The following NRG3 variants were observed in gnomAD, a reference collection of about 807,000 sequenced individuals.
The protein encoded by NRG3 is pro-neuregulin-3, membrane-bound isoform.
Under a neutral mutation model 66.9 loss-of-function variants are expected in NRG3, and 31 were observed. The observed-to-expected ratio is 0.46, with a 90% CI of 0.35 to 0.63. The LOEUF is 0.63. NRG3 is among the 20% of genes least tolerant of loss of function. NRG3 has a pLI of 0.00. For missense variants in NRG3, 910 were observed against 878.9 expected, an observed-to-expected ratio of 1.04 and a Z score of -0.45; for synonymous variants, 393 against 359.4, an observed-to-expected ratio of 1.09 and a Z score of -1.06.
intron 1 of NRG3, among the ~76,000 whole-genome samples, chr10:82,205,213 G>A (rs1564661658): frequency 3.3e-5 from 5 of 152,050 alleles, no homozygotes; most frequent in African/African-American, 7.2e-5. Flanking sequence ...AACATACTTC[G>A]TTCCCACTAC....
intron 1 of NRG3, among the ~76,000 whole-genome samples, chr10:82,173,332 C>A (rs1370818901): frequency 6.6e-6 from 1 of 151,734 alleles, no homozygotes; most frequent in Non-Finnish European, 1.5e-5. Context: ...CTGTGAAAGG[C>A]ACCAACTGGT....
At chr10:82,232,848 G>T (rs980182929) in intron 1 of NRG3, 2 of 717,062 alleles carry the variant, frequency 2.8e-6, no homozygotes, top group South Asian at 1.5e-5. Flanking sequence ...CCTTTGTTGG[G>T]GTTTCTGAGA....
At chr10:82,444,550 A>G (rs1402760753) in intron 2 of NRG3, among the ~76,000 whole-genome samples, 1 of 152,186 alleles carries the variant, frequency 6.6e-6, no homozygotes, top group Non-Finnish European at 1.5e-5. Context: ...ATGCACTGAT[A>G]GAAAATACTA....
chr10:82,295,606 A>G (rs907970315), intron 1 of NRG3, among the ~76,000 whole-genome samples: 21 of 152,202 alleles, frequency 1.4e-4, no homozygotes, highest in African/African-American at 5.1e-4. Flanking sequence ...AAAATATCTT[A>G]TAGGAAAAAT....
At chr10:82,749,971 C>A (rs371288583) in intron 3 of NRG3, among the ~76,000 whole-genome samples, 5 of 152,140 alleles carry the variant, frequency 3.3e-5, no homozygotes, top group African/African-American at 1.2e-4. Flanking sequence ...GGATAAATTT[C>A]AATCACATCT....
At chr10:82,793,353 G>A (rs1186819477) in intron 3 of NRG3, among the ~76,000 whole-genome samples, 1 of 152,038 alleles carries the variant, frequency 6.6e-6, no homozygotes, top group Non-Finnish European at 1.5e-5. Context: ...TCACTATAAT[G>A]TAATTGGACG....
intron 1 of NRG3, among the ~76,000 whole-genome samples, chr10:82,139,064 A>G (rs2132616342): frequency 6.6e-6 from 1 of 152,218 alleles, no homozygotes; most frequent in South Asian, 2.1e-4. Context: ...CATCACATGA[A>G]GTATGTTTGT....
intron 2 of NRG3, among the ~76,000 whole-genome samples, chr10:82,396,191 G>A (rs2086704337): frequency 6.6e-6 from 1 of 152,086 alleles, no homozygotes; most frequent in African/African-American, 2.4e-5. Flanking sequence ...TTTTCTTAAT[G>A]TGAAGATTTT....
chr10:82,021,832 G>T (rs1051174913), intron 1 of NRG3, among the ~76,000 whole-genome samples: 1 of 144,396 alleles, frequency 6.9e-6, no homozygotes, highest in Non-Finnish European at 1.5e-5. Flanking sequence ...GTGTGTGTGT[G>T]TGTCTTGATT....
chr10:81,923,116 C>T (rs1188119538), intron 1 of NRG3, among the ~76,000 whole-genome samples: 2 of 151,732 alleles, frequency 1.3e-5, no homozygotes, highest in African/African-American at 4.9e-5. Context: ...TTTATCAAGT[C>T]TCCTGTGTCT....
At chr10:81,988,680 G>A (rs1276382186) in intron 1 of NRG3, among the ~76,000 whole-genome samples, 1 of 152,064 alleles carries the variant, frequency 6.6e-6, no homozygotes, top group Non-Finnish European at 1.5e-5. Flanking sequence ...AGTATTCGTG[G>A]TAGAGTCCTG....
intron 2 of NRG3, 34 bp downstream of exon 2, chr10:82,358,902 G>A: frequency 6.2e-7 from 1 of 1,613,626 alleles, no homozygotes; most frequent in Non-Finnish European, 8.5e-7. Context: ...GAAAGGGCAG[G>A]CCCGTTGCAA....
In NRG3 at chr10:82,853,797, C is replaced by T. The variant is rs188065782; in HGVS notation, c.1028-11614C>T. ...ATGTGGGTGCCCTTTATTTCTTTCT[C>T]TTGTCTGATTGCTCTGGTTAGGACT... On this transcript the variant is annotated intron_variant, in intron 3 of 8. Transcript: ENST00000372141. Among the ~76,000 whole-genome samples, 14 of 152,210 alleles carry T rather than the reference C, an allele frequency of 9.2e-5. No homozygotes were observed. In the East Asian group the frequency reaches 2.5e-3, roughly 27 times the overall value.
intron 1 of NRG3, among the ~76,000 whole-genome samples, chr10:81,951,479 C>T (rs1247841175): frequency 1.3e-5 from 2 of 152,090 alleles, no homozygotes; most frequent in Non-Finnish European, 2.9e-5. Flanking sequence ...TGAGCTTATA[C>T]ACACACACAG....
At chr10:82,553,714 G>T (rs2044474561) in intron 2 of NRG3, among the ~76,000 whole-genome samples, 1 of 152,128 alleles carries the variant, frequency 6.6e-6, no homozygotes. Context: ...AAGTCTGAAT[G>T]AGTAGGGTGG....
At chr10:82,473,036 C>A (rs1351999076) in intron 2 of NRG3, among the ~76,000 whole-genome samples, 1 of 152,210 alleles carries the variant, frequency 6.6e-6, no homozygotes, top group Non-Finnish European at 1.5e-5. Context: ...AGCCTGCTAA[C>A]ATAACAATAT....
At chr10:82,912,377 T>C (rs1845403646) in intron 4 of NRG3, among the ~76,000 whole-genome samples, 1 of 152,192 alleles carries the variant, frequency 6.6e-6, no homozygotes, top group South Asian at 2.1e-4. Flanking sequence ...TTCTGGAAAG[T>C]TGACTCCTTT....
At chr10:82,169,013 C>A (rs1223163024) in intron 1 of NRG3, among the ~76,000 whole-genome samples, 2 of 152,018 alleles carry the variant, frequency 1.3e-5, no homozygotes, top group Non-Finnish European at 2.9e-5. Flanking sequence ...CCTACAATTC[C>A]TTTACTAGAG....
At chr10:82,047,653 A>C (rs1288093568) in intron 1 of NRG3, among the ~76,000 whole-genome samples, 5 of 151,884 alleles carry the variant, frequency 3.3e-5, no homozygotes, top group Non-Finnish European at 7.4e-5. Context: ...ATCATGCCAA[A>C]ATGTAAAGAC....
Sources: allele counts gnomAD v4.1 joint callset (sites outside exome capture counted in the v4.1 genomes callset), GRCh38; gene constraint gnomAD v4.1.1; transcripts MANE v1.5; gene names NCBI Gene and HGNC (gene_info 2026-07-23, HGNC 2026-07-21).